Variants in ZMAT4 observed in about 807,000 individuals in gnomAD.
The protein encoded by ZMAT4 is zinc finger matrin-type 4.
A neutral mutation model predicts 28.7 loss-of-function variants in ZMAT4; 17 were observed. That is an observed-to-expected ratio of 0.59 (90% CI 0.41 to 0.89). The LOEUF is 0.89. ZMAT4 is among the 40% of genes least tolerant of loss of function. The pLI, the probability that ZMAT4 is intolerant of heterozygous loss-of-function variation, is 0.00. For synonymous variants in ZMAT4, 117 were observed against 109.2 expected (o/e 1.07, Z -0.44); for missense variants, 240 against 283.8 (o/e 0.85, Z 1.11).
chr8:40,806,504 T>C (rs918426154), intron 2 of ZMAT4, among the ~76,000 whole-genome samples: 1 of 152,210 alleles, frequency 6.6e-6, no homozygotes, highest in Non-Finnish European at 1.5e-5. Context: ...CTTTGCTCTG[T>C]ATACGAAACA....
At chr8:40,532,840 A>G (rs1802734464) in intron 6 of ZMAT4, among the ~76,000 whole-genome samples, 1 of 152,162 alleles carries the variant, frequency 6.6e-6, no homozygotes, top group Non-Finnish European at 1.5e-5. Context: ...TACTAAAAAT[A>G]CAAAAATTAG....
intron 5 of ZMAT4, among the ~76,000 whole-genome samples, chr8:40,585,622 A>C (rs767645989): frequency 6.6e-6 from 1 of 152,174 alleles, no homozygotes; most frequent in Non-Finnish European, 1.5e-5. Context: ...TGCTATAGTT[A>C]TACTGACTTT....
rs865836078 is a variant in ZMAT4 at position 40,655,499 on chromosome 8, G to T, written c.577+19205C>A. Among the ~76,000 whole-genome samples, 11 of 148,758 alleles carry T rather than the reference G, an allele frequency of 7.4e-5. 1 individual carries two copies. The highest frequency in any genetic ancestry group is 6.8e-3 in the Middle Eastern group (2 of 292). On this transcript the variant is annotated intron_variant, in intron 5 of 6. Coordinates refer to ENST00000297737, the MANE Select transcript of ZMAT4 (RefSeq NM_024645.3). ...TAAAAAAACCCAAAACACCAAAAAA[G>T]TCTGGAAAAAAAAAAAGAACAAAAT...
rs182517181 is a variant in ZMAT4, at chr8:40,575,447, C to T, written c.674+5718G>A. The stretch of plus-strand genomic sequence containing the variant: ...TGACCCACCAAGTGTATGGCCATGT[C>T]CCCAGACTGAGAACCAGTTCACTAA... On this transcript the variant is annotated intron_variant, in intron 6 of 6. Transcript: ENST00000297737. Among the ~76,000 whole-genome samples the T allele has an allele frequency of 2.0e-3, 304 of 152,112 alleles. 1 individual carries two copies. Among genetic ancestry groups the T allele is most frequent in the African/African-American group, 6.5e-3 (269 of 41,458 alleles).
chr8:40,859,516 G>A (rs1325459981), intron 1 of ZMAT4, among the ~76,000 whole-genome samples: 1 of 151,920 alleles, frequency 6.6e-6, no homozygotes. Context: ...GTTAATTATC[G>A]GACAAGGGGA....
At chr8:40,805,990 T>C (rs1029237520) in intron 2 of ZMAT4, among the ~76,000 whole-genome samples, 1 of 151,956 alleles carries the variant, frequency 6.6e-6, no homozygotes, top group Non-Finnish European at 1.5e-5. Flanking sequence ...CTGATGAACC[T>C]TGTCTGAGAA....
intron 6 of ZMAT4, among the ~76,000 whole-genome samples, chr8:40,563,408 C>A (rs1351401968): frequency 6.6e-6 from 1 of 152,142 alleles, no homozygotes; most frequent in African/African-American, 2.4e-5. Context: ...GGTGCTATAT[C>A]CTTGCGGTAT....
chr8:40,761,973 T>G (rs28578617), intron 3 of ZMAT4, among the ~76,000 whole-genome samples: 1,628 of 152,328 alleles, frequency 0.011, 29 homozygotes, highest in African/African-American at 0.035. Flanking sequence ...GAACTGGGGA[T>G]AGAATCTCCA....
At chr8:40,894,039 A>G (rs1393012659) in intron 1 of ZMAT4, among the ~76,000 whole-genome samples, 1 of 152,252 alleles carries the variant, frequency 6.6e-6, no homozygotes, top group East Asian at 1.9e-4. Context: ...AGGGGTGAGA[A>G]CAAAGAGCAA....
intron 6 of ZMAT4, among the ~76,000 whole-genome samples, chr8:40,535,646 C>T (rs867701036): frequency 2.3e-4 from 32 of 141,876 alleles, no homozygotes; most frequent in South Asian, 2.3e-4. Context: ...TCCAGCCTGG[C>T]GACTGAGCAA....
chr8:40,865,826 T>C (rs1475390427), intron 1 of ZMAT4, among the ~76,000 whole-genome samples: 1 of 152,188 alleles, frequency 6.6e-6, no homozygotes, highest in Non-Finnish European at 1.5e-5. Flanking sequence ...ACATTCTTTC[T>C]TCCCCCCGCC....
chr8:40,780,117 G>A (rs1162871046), intron 2 of ZMAT4, among the ~76,000 whole-genome samples: 3 of 151,926 alleles, frequency 2.0e-5, no homozygotes, highest in Non-Finnish European at 4.4e-5. Context: ...CAGTACAGAT[G>A]CTCCTTGACT....
intron 5 of ZMAT4, among the ~76,000 whole-genome samples, chr8:40,584,485 C>T (rs1372208709): frequency 1.3e-5 from 2 of 152,142 alleles, no homozygotes; most frequent in African/African-American, 2.4e-5. Context: ...TTAAGGAATA[C>T]AGAATTTATG....
intron 4 of ZMAT4, among the ~76,000 whole-genome samples, chr8:40,684,723 C>T (rs527981997): frequency 2.6e-4 from 40 of 152,234 alleles, no homozygotes; most frequent in Middle Eastern, 3.4e-3. Flanking sequence ...GTGCCAGAGG[C>T]GCAGCAGAGA....
At chr8:40,771,155 T>C (rs542352890) in intron 2 of ZMAT4, among the ~76,000 whole-genome samples, 3 of 151,826 alleles carry the variant, frequency 2.0e-5, no homozygotes, top group Admixed American at 6.6e-5. Flanking sequence ...GAAGAAACTT[T>C]ATATATATAC....
intron 4 of ZMAT4, among the ~76,000 whole-genome samples, chr8:40,688,377 A>G (rs1478369639): frequency 6.6e-6 from 1 of 152,012 alleles, no homozygotes; most frequent in East Asian, 1.9e-4. Flanking sequence ...AATTGCTTGA[A>G]CCCAGGAAGC....
chr8:40,750,461 G>A (rs1306971051), intron 3 of ZMAT4, among the ~76,000 whole-genome samples: 1 of 152,130 alleles, frequency 6.6e-6, no homozygotes, highest in Non-Finnish European at 1.5e-5. Context: ...GCAAAGAGGC[G>A]AGATCCTCCC....
At chr8:40,698,524 C>T (rs1431640180) in intron 3 of ZMAT4, among the ~76,000 whole-genome samples, 1 of 152,174 alleles carries the variant, frequency 6.6e-6, no homozygotes, top group Non-Finnish European at 1.5e-5. Flanking sequence ...TATGGCCCCA[C>T]AATGGCCGCT....
chr8:40,573,574 C>T (rs1156998685), intron 6 of ZMAT4, among the ~76,000 whole-genome samples: 1 of 152,134 alleles, frequency 6.6e-6, no homozygotes, highest in Non-Finnish European at 1.5e-5. Context: ...TCTGCAAAGA[C>T]CCTATTTACA....
Sources: allele counts gnomAD v4.1 joint callset (sites outside exome capture counted in the v4.1 genomes callset), GRCh38; gene constraint gnomAD v4.1.1; transcripts MANE v1.5; gene names NCBI Gene and HGNC (gene_info 2026-07-23, HGNC 2026-07-21).